The following TMEM86A variants were observed in gnomAD, a reference collection of about 807,000 sequenced individuals.
The protein encoded by TMEM86A is lysoplasmalogenase TMEM86A.
TMEM86A carries 13 observed loss-of-function variants against 19.8 expected under a neutral mutation model. That is an observed-to-expected ratio of 0.66 (90% CI 0.43 to 1.04). The LOEUF is 1.04. TMEM86A is among the 50% of genes least tolerant of loss of function. The probability of loss-of-function intolerance (pLI) is 0.00; values close to 1 mark genes in which losing one functional copy is unlikely to be tolerated. For missense variants in TMEM86A, 248 were observed against 306.8 expected, an observed-to-expected ratio of 0.81 and a Z score of 1.43; for synonymous variants, 128 against 129.9, an observed-to-expected ratio of 0.99 and a Z score of 0.10.
chr11:18,704,189 G>A lies in TMEM86A; in HGVS notation c.*2180G>A, dbSNP rs1848177729. 1 of 381,296 alleles carries A rather than the reference G, an allele frequency of 2.6e-6. No individual in the cohort carries two copies. Among genetic ancestry groups the A allele is most frequent in the Non-Finnish European group, 4.9e-6 (1 of 205,010 alleles). 23.6% of individuals were successfully genotyped at this position (381,296 alleles called of 1,614,324 possible). On this transcript the variant is annotated 3_prime_UTR_variant, in exon 3 of 3. Coordinates refer to ENST00000280734, the MANE Select transcript of TMEM86A (RefSeq NM_153347.3). ...GGAAGACCAGGCCCAGTCACAAGAA[G>A]GCTGGTCACTGCCTTGTGGGTGGGT...
chr11:18,702,319 C>T lies in TMEM86A; in HGVS notation c.*310C>T, dbSNP rs1311507271. The T allele has an allele frequency of 9.9e-6, 4 of 404,456 alleles. No individual in the cohort carries two copies. Among genetic ancestry groups the T allele is most frequent in the African/African-American group, 2.0e-5 (1 of 49,420 alleles). 25.1% of individuals were successfully genotyped at this position (404,456 alleles called of 1,614,324 possible). On this transcript the variant is annotated 3_prime_UTR_variant, in exon 3 of 3. Coordinates refer to ENST00000280734, the MANE Select transcript of TMEM86A (RefSeq NM_153347.3). ...GGTGATGGTGCTCAGCTTCTTGACA[C>T]CCCCCCACCCACTTCCCCTACCAGG...
In TMEM86A at chr11:18,701,726, T is replaced by G; in HGVS notation, c.440T>G (p.Val147Gly). 1 of 1,614,124 alleles carries G rather than the reference T, an allele frequency of 6.2e-7. No homozygotes were observed. Among genetic ancestry groups the G allele is most frequent in the Non-Finnish European group, 8.5e-7 (1 of 1,180,016 alleles). The change falls in exon 3 of 3, where the codon GTG (valine) becomes GGG (glycine). Residue 147 changes from valine to glycine, a missense_variant. By Grantham distance (109) the Val-to-Gly change is moderately radical (BLOSUM62 -3). Coordinates refer to ENST00000280734, the MANE Select transcript of TMEM86A (RefSeq NM_153347.3). The surrounding 1 kb of genome is among the most constrained non-coding windows in gnomAD (Gnocchi z 5.3). ...CTCTCAGGTGCCTTCACCTACCTGG[T>G]GGGGGTCTATGTGGCCCTTATCGGC... ...PCLSGAFTYLVGVYVALIGFM... is the reference protein window; with the variant it reads ...PCLSGAFTYLGGVYVALIGFM...
chr11:18,703,020 A>G lies in TMEM86A; in HGVS notation c.*1011A>G, dbSNP rs1001396426. 1 of 152,738 alleles carries G rather than the reference A, an allele frequency of 6.5e-6. No homozygotes were observed. Among genetic ancestry groups the G allele is most frequent in the Non-Finnish European group, 1.5e-5 (1 of 68,094 alleles). The allele number at this position is 152,738 out of a possible 1,614,324, so 9.5% of individuals were successfully genotyped here. ...GGCTCCAATGACACTCCGGGGTTTTAAGACCCAAGGCACATTCAATGCAAG... is the reference window on the plus strand; with the variant it reads ...GGCTCCAATGACACTCCGGGGTTTTGAGACCCAAGGCACATTCAATGCAAG... On this transcript the variant is annotated 3_prime_UTR_variant, in exon 3 of 3. Transcript: ENST00000280734.
In TMEM86A at chr11:18,702,107, G is replaced by A. The variant is rs1349027744; in HGVS notation, c.*98G>A. 1.5e-6 allele frequency: 2 copies of A among 1,308,984 alleles called. No individual in the cohort carries two copies. Among genetic ancestry groups the A allele is most frequent in the Admixed American group, 4.0e-5 (2 of 50,346 alleles). The allele number at this position is 1,308,984 out of a possible 1,614,324, so 81.1% of individuals were successfully genotyped here. ...ATCAGGATGGCTGCAGTGCCAGCCT[G>A]GGGCAGCAGGTACTGCCTGAGGAAT... On this transcript the variant is annotated 3_prime_UTR_variant, in exon 3 of 3. Coordinates refer to ENST00000280734, the MANE Select transcript of TMEM86A (RefSeq NM_153347.3).
Position 18,701,199 on chromosome 11 carries a change from T to G in TMEM86A, c.286+2T>G. On this transcript the variant is annotated splice_donor_variant, in intron 2 of 2. Transcript: ENST00000280734. LOFTEE classifies it high-confidence loss of function. This position sits in a 1 kb window ranked among gnomAD's most constrained non-coding sequence, Gnocchi z 5.3. ...AGGACCAAGGATACTTCGTGCATGG[T>G]CAGTGGCCATAGTAGTTGCCTGGGA... is the stretch of plus-strand genomic sequence containing the variant. 6.2e-7 allele frequency: 1 copy of G among 1,613,082 alleles called. No homozygotes were observed.
chr11:18,701,039 A>G lies in TMEM86A; in HGVS notation c.128A>G (p.Lys43Arg). Reference protein sequence around the residue: ...SSPSWVSTLIKCLPIFCLWLF... With the variant: ...SSPSWVSTLIRCLPIFCLWLF... The stretch of plus-strand genomic sequence containing the variant: ...CCATCGTGGGTCAGCACCCTCATCA[A>G]GTGCCTGCCTATCTTCTGCCTCTGG... Residue 43 changes from lysine to arginine, a missense_variant, in exon 2 of 3, where the codon AAG becomes AGG. By Grantham distance (26) the Lys-to-Arg change is conservative. Transcript: ENST00000280734. This position sits in a 1 kb window ranked among gnomAD's most constrained non-coding sequence, Gnocchi z 5.3. The G allele has an allele frequency of 6.2e-7, 1 of 1,614,154 alleles. No homozygotes were observed. The highest frequency in any genetic ancestry group is 8.5e-7 in the Non-Finnish European group (1 of 1,180,022).
In TMEM86A at chr11:18,699,650, G is replaced by A. The variant is rs1368313614; in HGVS notation, c.21+743G>A. On this transcript the variant is annotated intron_variant, in intron 1 of 2. Coordinates refer to ENST00000280734, the MANE Select transcript of TMEM86A (RefSeq NM_153347.3). This position sits in a 1 kb window ranked among gnomAD's most constrained non-coding sequence, Gnocchi z 4.0. ...GTGGGCCTGGGCATCCCCTCCAGCC[G>A]CCTCCTCTGACCATGCCCCTACCCT... Among the ~76,000 whole-genome samples, 4 of 152,142 alleles carry A rather than the reference G, an allele frequency of 2.6e-5. No individual in the cohort carries two copies. The highest frequency in any genetic ancestry group is 2.1e-4 in the South Asian group (1 of 4,832).
In TMEM86A at chr11:18,699,217, G is replaced by A. The variant is rs1021849165; in HGVS notation, c.21+310G>A. Reference sequence around the variant, plus strand: ...CGGGGTCGCGGCCCGGGAGAGGGAGGGGACCGCTGCCGGCCGCAGAGTTCC... The same window carrying A: ...CGGGGTCGCGGCCCGGGAGAGGGAGAGGACCGCTGCCGGCCGCAGAGTTCC... On this transcript the variant is annotated intron_variant, in intron 1 of 2. Coordinates refer to ENST00000280734, the MANE Select transcript of TMEM86A (RefSeq NM_153347.3). The surrounding 1 kb of genome is among the most constrained non-coding windows in gnomAD (Gnocchi z 4.0). 2.0e-5 allele frequency among the ~76,000 whole-genome samples: 3 copies of A among 152,216 alleles called. No homozygotes were observed. Among genetic ancestry groups the A allele is most frequent in the Admixed American group, 1.3e-4 (2 of 15,280 alleles).
At position 18,701,481 on chromosome 11, in the gene TMEM86A, C is replaced by T. The variant is rs1304603314; in HGVS notation, c.287-92C>T. On this transcript the variant is annotated intron_variant, in intron 2 of 2. Transcript: ENST00000280734. This position sits in a 1 kb window ranked among gnomAD's most constrained non-coding sequence, Gnocchi z 5.3. ...AAGCTGCTGGGTTATCCCAAACACT[C>T]CACTCCATCGCCACATCCATCCCTA... 6 of 1,371,058 alleles carry T rather than the reference C, an allele frequency of 4.4e-6. No individual in the cohort carries two copies. Among genetic ancestry groups the T allele is most frequent in the Non-Finnish European group, 6.0e-6 (6 of 1,004,452 alleles). The allele number at this position is 1,371,058 out of a possible 1,614,324, so 84.9% of individuals were successfully genotyped here.
Position 18,704,374 on chromosome 11 carries a change from G to C in TMEM86A, c.*2365G>C. On this transcript the variant is annotated 3_prime_UTR_variant, in exon 3 of 3. Transcript: ENST00000280734. ...AATGTTTACATTAACAAACACCAGA[G>C]AGCAAACTGGGCTTCCTACACTGGG... The C allele has an allele frequency of 1.3e-6, 1 of 790,832 alleles. No homozygotes were observed. Among genetic ancestry groups the C allele is most frequent in the Non-Finnish European group, 2.2e-6 (1 of 461,810 alleles). The allele number at this position is 790,832 out of a possible 1,614,324, so 49.0% of individuals were successfully genotyped here.
chr11:18,704,520 A>G lies in TMEM86A; in HGVS notation c.*2511A>G. On this transcript the variant is annotated 3_prime_UTR_variant, in exon 3 of 3. Coordinates refer to ENST00000280734, the MANE Select transcript of TMEM86A (RefSeq NM_153347.3). ...CAGACTCTCGGTGATGGATGCTACA[A>G]CTGACTTATCATCTTTGTCTGAAAG... 6.5e-7 allele frequency: 1 copy of G among 1,549,870 alleles called. No homozygotes were observed.
chr11:18,699,015 G>T lies in TMEM86A; in HGVS notation c.21+108G>T. The T allele has an allele frequency of 2.6e-6, 1 of 384,150 alleles. No individual in the cohort carries two copies. The highest frequency in any genetic ancestry group is 4.6e-5 in the Admixed American group (1 of 21,934). 23.8% of individuals were successfully genotyped at this position (384,150 alleles called of 1,614,324 possible). A position where few individuals can be genotyped will look rare whatever the true frequency, so the allele number is the denominator to read the frequency against. On this transcript the variant is annotated intron_variant, in intron 1 of 2. Coordinates refer to ENST00000280734, the MANE Select transcript of TMEM86A (RefSeq NM_153347.3). The surrounding 1 kb of genome is among the most constrained non-coding windows in gnomAD (Gnocchi z 4.0). ...CCGAAGGGGCCGAGGCGGGGCGGGGGTCCCGTGGCGGCCGGAGTCCCGCGG... is the reference window on the plus strand; with the variant it reads ...CCGAAGGGGCCGAGGCGGGGCGGGGTTCCCGTGGCGGCCGGAGTCCCGCGG...
intron 1 of TMEM86A, 173 bp from the exon 2 acceptor site, chr11:18,700,760 G>C: frequency 1.2e-6 from 1 of 865,424 alleles, no homozygotes; most frequent in Non-Finnish European, 1.8e-6. Context: ...GCCACAACCT[G>C]CTGGCTGGTA....
In TMEM86A at chr11:18,698,849, C is replaced by T; in HGVS notation, c.-38C>T. 1 of 670,250 alleles carries T rather than the reference C, an allele frequency of 1.5e-6. No homozygotes were observed. The highest frequency in any genetic ancestry group is 2.7e-6 in the Non-Finnish European group (1 of 373,532). 41.5% of individuals were successfully genotyped at this position (670,250 alleles called of 1,614,324 possible). A position where few individuals can be genotyped will look rare whatever the true frequency, so the allele number is the denominator to read the frequency against. On this transcript the variant is annotated 5_prime_UTR_variant, in exon 1 of 3. Transcript: ENST00000280734. ...GGCCGTGGGCGCGTCCTGGCCGCTGCAGCCCGGAGCAGGGTGCCAGCCGCC... is the reference window on the plus strand; with the variant it reads ...GGCCGTGGGCGCGTCCTGGCCGCTGTAGCCCGGAGCAGGGTGCCAGCCGCC...
chr11:18,698,779 A>G lies in TMEM86A; in HGVS notation c.-108A>G. The G allele has an allele frequency of 1.6e-6, 1 of 627,954 alleles. No homozygotes were observed. The highest frequency in any genetic ancestry group is 1.7e-5 in the South Asian group (1 of 60,456). 38.9% of individuals were successfully genotyped at this position (627,954 alleles called of 1,614,324 possible). A position where few individuals can be genotyped will look rare whatever the true frequency, so the allele number is the denominator to read the frequency against. On this transcript the variant is annotated 5_prime_UTR_variant, in exon 1 of 3. Coordinates refer to ENST00000280734, the MANE Select transcript of TMEM86A (RefSeq NM_153347.3). ...CCCCGGCGCCGGGCGCTCGGGAGGT[A>G]TTGTCCGTCCCTCCGGGCTTTGTAG...
Position 18,701,442 on chromosome 11 carries a change from G to C in TMEM86A, c.287-131G>C. 1.8e-6 allele frequency: 2 copies of C among 1,126,986 alleles called. No homozygotes were observed. The highest frequency in any genetic ancestry group is 1.3e-6 in the Non-Finnish European group (1 of 798,164). The allele number at this position is 1,126,986 out of a possible 1,614,324, so 69.8% of individuals were successfully genotyped here. On this transcript the variant is annotated intron_variant, in intron 2 of 2. Coordinates refer to ENST00000280734, the MANE Select transcript of TMEM86A (RefSeq NM_153347.3). This position sits in a 1 kb window ranked among gnomAD's most constrained non-coding sequence, Gnocchi z 5.3. ...TTTAACTTTAGATCTTCCTACCCCT[G>C]TTATCCCAAAGCAAAGCTGCTGGGT...
At position 18,703,713 on chromosome 11, in the gene TMEM86A, C is replaced by T. The variant is rs1848172022; in HGVS notation, c.*1704C>T. On this transcript the variant is annotated 3_prime_UTR_variant, in exon 3 of 3. Transcript: ENST00000280734. ...ATATGCCATCAGTAGAGGTGTTGCT[C>T]ATTTGTGGGGATGTGATTTAGGAGA... 1 of 152,152 alleles carries T rather than the reference C, an allele frequency of 6.6e-6. No homozygotes were observed. Among genetic ancestry groups the T allele is most frequent in the South Asian group, 2.1e-4 (1 of 4,826 alleles). 9.4% of individuals were successfully genotyped at this position (152,152 alleles called of 1,614,324 possible). A position where few individuals can be genotyped will look rare whatever the true frequency, so the allele number is the denominator to read the frequency against.
In TMEM86A at chr11:18,701,401, G is replaced by T. The variant is rs961649080; in HGVS notation, c.287-172G>T. ...TGATCAGTTCCAGAGTCCTTCAGGG[G>T]ACTGGGGTGGTGGTCTTTAACTTTA... On this transcript the variant is annotated intron_variant, in intron 2 of 2. Transcript: ENST00000280734. This position sits in a 1 kb window ranked among gnomAD's most constrained non-coding sequence, Gnocchi z 5.3. Among the ~76,000 whole-genome samples, 1 of 152,112 alleles carries T rather than the reference G, an allele frequency of 6.6e-6. No homozygotes were observed. Among genetic ancestry groups the T allele is most frequent in the Non-Finnish European group, 1.5e-5 (1 of 68,012 alleles).
In TMEM86A at chr11:18,699,910, T is replaced by G. The variant is rs1325645582; in HGVS notation, c.21+1003T>G. 1 of 152,210 alleles carries G rather than the reference T, an allele frequency of 6.6e-6. No homozygotes were observed. The highest frequency in any genetic ancestry group is 1.5e-5 in the Non-Finnish European group (1 of 68,092). The allele number at this position is 152,210 out of a possible 1,614,324, so 9.4% of individuals were successfully genotyped here. The stretch of plus-strand genomic sequence containing the variant: ...ACAATCGCTTTGGGCAGAGTGTGGG[T>G]GTACAGGGAACTCCAGCTGCTCCAT... On this transcript the variant is annotated intron_variant, in intron 1 of 2. Transcript: ENST00000280734. The surrounding 1 kb of genome is among the most constrained non-coding windows in gnomAD (Gnocchi z 4.0).
Sources: allele counts gnomAD v4.1 joint callset (sites outside exome capture counted in the v4.1 genomes callset), GRCh38; gene constraint gnomAD v4.1.1; non-coding constraint Gnocchi (gnomAD v3.1); transcripts MANE v1.5; gene names NCBI Gene and HGNC (gene_info 2026-07-23, HGNC 2026-07-21).